HSD17B6: variants seen among roughly 807,000 people sequenced by gnomAD.
HSD17B6 encodes 17-beta-hydroxysteroid dehydrogenase type 6.
In HSD17B6, 16 loss-of-function variants were observed where a neutral mutation model predicts 26.4. The ratio of observed to expected loss-of-function variants is 0.61; its 90% CI spans 0.41 to 0.92. The LOEUF (loss-of-function observed/expected upper bound fraction) is 0.92. Ranked by LOEUF, HSD17B6 falls within the 40% of genes least tolerant of loss-of-function variation. The pLI is 0.00. For missense variants in HSD17B6, 357 were observed against 386.1 expected, an observed-to-expected ratio of 0.92 and a Z score of 0.63; for synonymous variants, 139 against 153.0, an observed-to-expected ratio of 0.91 and a Z score of 0.68.
intron 1 of HSD17B6, among the ~76,000 whole-genome samples, chr12:56,765,402 C>T (rs1954301956): frequency 1.3e-5 from 2 of 152,120 alleles, no homozygotes; most frequent in Admixed American, 6.5e-5. Flanking sequence ...CGCCACTGCA[C>T]TCCAGCCTGG....
At position 56,782,633 on chromosome 12, in the gene HSD17B6, A is replaced by G. The variant is rs372619067; in HGVS notation, c.572+401A>G. ...CTCAACTTCCCTGGTAGCTGGGACTATGGGTGCACGCTGCCATGCCCAGCT... is the reference window on the plus strand; with the variant it reads ...CTCAACTTCCCTGGTAGCTGGGACTGTGGGTGCACGCTGCCATGCCCAGCT... On this transcript the variant is annotated intron_variant, in intron 3 of 4. Coordinates refer to ENST00000322165, the MANE Select transcript of HSD17B6 (RefSeq NM_003725.4). Among the ~76,000 whole-genome samples, 6 of 149,284 alleles carry G rather than the reference A, an allele frequency of 4.0e-5. No individual in the cohort carries two copies. The East Asian group carries it at 1.2e-3, about 29-fold the overall frequency.
chr12:56,767,749 AC>A (rs1194579202), intron 1 of HSD17B6, among the ~76,000 whole-genome samples: 41 of 145,650 alleles, frequency 2.8e-4, no homozygotes, highest in Non-Finnish European at 2.2e-4. Flanking sequence ...TATTATATAT[AC>A]GTATATATAT....
At chr12:56,783,921 G>A (rs1375562105) in intron 3 of HSD17B6, among the ~76,000 whole-genome samples, 2 of 151,550 alleles carry the variant, frequency 1.3e-5, no homozygotes, top group Non-Finnish European at 2.9e-5. Context: ...CTTCTCAAAC[G>A]GGGCGGTTGC....
At position 56,785,120 on chromosome 12, in the gene HSD17B6, G is replaced by T. The variant is rs948716484; in HGVS notation, c.736+104G>T. 8.1e-6 allele frequency: 10 copies of T among 1,234,508 alleles called. No individual in the cohort carries two copies. The East Asian group carries it at 2.4e-4, about 30-fold the overall frequency. 76.5% of individuals were successfully genotyped at this position (1,234,508 alleles called of 1,614,324 possible). A position where few individuals can be genotyped will look rare whatever the true frequency, so the allele number is the denominator to read the frequency against. ...GACTGGGTAATTTATAAAGAAAAGA[G>T]GTTTAATTGACTCACAGTTCTGCAT... On this transcript the variant is annotated intron_variant, in intron 4 of 4. Transcript: ENST00000322165.
chr12:56,778,610 T>G (rs1396354344), intron 2 of HSD17B6, among the ~76,000 whole-genome samples: 1 of 151,048 alleles, frequency 6.6e-6, no homozygotes, highest in African/African-American at 2.4e-5. Context: ...TTTCTAGTCC[T>G]TCTCTCAGTT....
At chr12:56,785,162 G>C (rs922037035) in intron 4 of HSD17B6, 146 bp downstream of exon 4, 1 of 829,882 alleles carries the variant, frequency 1.2e-6, no homozygotes, top group East Asian at 2.8e-5. Flanking sequence ...GGAGTCCTCA[G>C]GAAACTTATA....
chr12:56,774,216 A>G (rs376626008), intron 2 of HSD17B6, 51 bp downstream of exon 2: 51 of 1,485,402 alleles, frequency 3.4e-5, no homozygotes, highest in Non-Finnish European at 4.2e-5. Context: ...TGCTAAGGTT[A>G]TATATACAGT....
At chr12:56,784,780 G>A in intron 3 of HSD17B6, 73 bp from the exon 4 acceptor site, 1 of 1,433,314 alleles carries the variant, frequency 7.0e-7, no homozygotes, top group East Asian at 2.3e-5. Context: ...AATCTTTTTT[G>A]TTTTGCTTTT....
intron 1 of HSD17B6, among the ~76,000 whole-genome samples, chr12:56,768,291 TGAGA>T (rs1185467713): frequency 6.6e-6 from 1 of 151,968 alleles, no homozygotes; most frequent in East Asian, 1.9e-4. Flanking sequence ...TGGTGAGCTG[TGAGA>T]GAGTTTCCAG....
chr12:56,781,234 A>G (rs1204525225), intron 2 of HSD17B6, among the ~76,000 whole-genome samples: 3 of 152,066 alleles, frequency 2.0e-5, no homozygotes, highest in Non-Finnish European at 4.4e-5. Context: ...TATTAGACAT[A>G]TGTTACATGT....
At chr12:56,775,965 A>C (rs1434245799) in intron 2 of HSD17B6, among the ~76,000 whole-genome samples, 2 of 152,136 alleles carry the variant, frequency 1.3e-5, no homozygotes, top group Non-Finnish European at 2.9e-5. Flanking sequence ...CACTCTTGTC[A>C]CACAGGTTGG....
At chr12:56,763,562 A>G (rs1954253548) in intron 1 of HSD17B6, 148 bp downstream of exon 1, 1 of 151,500 alleles carries the variant, frequency 6.6e-6, no homozygotes, top group East Asian at 1.9e-4. Flanking sequence ...TTCAACTTTG[A>G]TTCGTGAAAG....
chr12:56,780,180 T>A (rs1240793617), intron 2 of HSD17B6, among the ~76,000 whole-genome samples: 2 of 152,198 alleles, frequency 1.3e-5, no homozygotes, highest in Non-Finnish European at 2.9e-5. Context: ...TTTTGGTGTG[T>A]TTAGGTATGG....
chr12:56,781,055 TA>T (rs981158894), intron 2 of HSD17B6, among the ~76,000 whole-genome samples: 2 of 152,032 alleles, frequency 1.3e-5, no homozygotes, highest in Admixed American at 1.3e-4. Context: ...ATGGCCTTAC[TA>T]AAAAAATTAA....
intron 2 of HSD17B6, among the ~76,000 whole-genome samples, chr12:56,775,308 C>G (rs1017298872): frequency 6.6e-6 from 1 of 152,146 alleles, no homozygotes; most frequent in East Asian, 1.9e-4. Flanking sequence ...GCCTTGATCT[C>G]CTGGGCTCAA....
chr12:56,782,340 A>G, intron 3 of HSD17B6, 108 bp downstream of exon 3: 1 of 1,026,662 alleles, frequency 9.7e-7, no homozygotes, highest in East Asian at 2.6e-5. Context: ...ATCTTGATAC[A>G]TAGATATTAT....
intron 2 of HSD17B6, among the ~76,000 whole-genome samples, chr12:56,780,199 G>A (rs1954682799): frequency 6.6e-6 from 1 of 152,018 alleles, no homozygotes; most frequent in African/African-American, 2.4e-5. Context: ...GGATTTCTCT[G>A]TTTATACTGC....
chr12:56,779,472 T>C (rs904298686), intron 2 of HSD17B6, among the ~76,000 whole-genome samples: 6 of 152,216 alleles, frequency 3.9e-5, no homozygotes, highest in African/African-American at 1.4e-4. Context: ...TCTTTCATCT[T>C]ATTTTGTGCT....
At chr12:56,780,672 C>CTA (rs1954694205) in intron 2 of HSD17B6, among the ~76,000 whole-genome samples, 1 of 151,724 alleles carries the variant, frequency 6.6e-6, no homozygotes, top group African/African-American at 2.4e-5. Context: ...TCCTGGCGAA[C>CTA]ACGGTGAAAC....
Sources: allele counts gnomAD v4.1 joint callset (sites outside exome capture counted in the v4.1 genomes callset), GRCh38; gene constraint gnomAD v4.1.1; transcripts MANE v1.5; gene names NCBI Gene and HGNC (gene_info 2026-07-23, HGNC 2026-07-21).